Variants in WWOX observed in about 807,000 individuals in gnomAD.
The protein encoded by WWOX is WW domain containing oxidoreductase.
Under a neutral mutation model 46.2 loss-of-function variants are expected in WWOX, and 69 were observed. The observed-to-expected ratio is 1.49, with a 90% confidence interval of 1.23 to 1.82. WWOX has a LOEUF of 1.82. Among genes scored for constraint, WWOX ranks in the 40% most tolerant of loss-of-function variants. WWOX has a pLI of 0.00. For synonymous variants in WWOX, 359 were observed against 202.6 expected (o/e 1.77, Z -6.56); for missense variants, 919 against 542.6 (o/e 1.69, Z -6.89).
At chr16:78,907,548 T>G (rs1025225751) in intron 8 of WWOX, among the ~76,000 whole-genome samples, 3 of 152,164 alleles carry the variant, frequency 2.0e-5, no homozygotes, top group African/African-American at 7.2e-5. Context: ...CCCCCAAAGT[T>G]AGCTTGGCCC....
At chr16:78,480,667 A>G (rs985846772) in intron 8 of WWOX, among the ~76,000 whole-genome samples, 6 of 152,226 alleles carry the variant, frequency 3.9e-5, no homozygotes, top group African/African-American at 1.2e-4. Context: ...ATGCACTGAC[A>G]CAGGTACCCT....
At chr16:78,203,535 A>G (rs950978233) in intron 5 of WWOX, among the ~76,000 whole-genome samples, 1 of 152,210 alleles carries the variant, frequency 6.6e-6, no homozygotes, top group Non-Finnish European at 1.5e-5. Flanking sequence ...GCAGAAATAA[A>G]ACATATTCAA....
At chr16:78,170,721 T>C (rs1325575816) in intron 5 of WWOX, among the ~76,000 whole-genome samples, 4 of 152,268 alleles carry the variant, frequency 2.6e-5, no homozygotes, top group Non-Finnish European at 4.4e-5. Context: ...CTTTTTCTTT[T>C]GTATTTACAA....
chr16:78,470,438 C>T (rs147352618), intron 8 of WWOX, among the ~76,000 whole-genome samples: 2 of 152,212 alleles, frequency 1.3e-5, no homozygotes, highest in Non-Finnish European at 2.9e-5. Flanking sequence ...CCAGAAATAA[C>T]TAAGCATGCT....
In WWOX at chr16:79,055,614, C is replaced by T. The variant is rs373483163; in HGVS notation, c.1057-155994C>T. ...CCTGTCCAAACTGAAGATTCATGGG[C>T]AGAATAAACAATTGCTATTTTTTAA... On this transcript the variant is annotated intron_variant, in intron 8 of 8. Transcript: ENST00000566780. Among the ~76,000 whole-genome samples the T allele has an allele frequency of 3.3e-5, 5 of 152,078 alleles. No homozygotes were observed. In the East Asian group the frequency reaches 9.6e-4, roughly 29 times the overall value.
At position 78,812,610 on chromosome 16, in the gene WWOX, C is replaced by T. The variant is rs2051219222; in HGVS notation, c.1056+379858C>T. Among the ~76,000 whole-genome samples the T allele has an allele frequency of 2.0e-5, 3 of 152,032 alleles. No individual in the cohort carries two copies. The South Asian group carries it at 6.3e-4, about 32-fold the overall frequency. On this transcript the variant is annotated intron_variant, in intron 8 of 8. Transcript: ENST00000566780. ...GCCTAGGCGCAGGCACCTGTAATCCCAGCTGCTCGGGAGGCTGACGCGCGA... is the reference window on the plus strand; with the variant it reads ...GCCTAGGCGCAGGCACCTGTAATCCTAGCTGCTCGGGAGGCTGACGCGCGA...
rs548944667 is a variant in WWOX, at chr16:78,528,060, G to A, written c.1056+95308G>A. ...GTCGCCCAGGCTGGAGTGCAGTGGC[G>A]TAATCTCGGCTCACTGCAAGTTCTG... On this transcript the variant is annotated intron_variant, in intron 8 of 8. Coordinates refer to ENST00000566780, the MANE Select transcript of WWOX (RefSeq NM_016373.4). Among the ~76,000 whole-genome samples the A allele has an allele frequency of 2.8e-3, 370 of 132,948 alleles. 1 individual carries two copies. The highest frequency in any genetic ancestry group is 4.9e-3 in the Non-Finnish European group (313 of 64,478). The allele number at this position is 132,948 out of a possible 152,430, so 87.2% of individuals were successfully genotyped here.
At chr16:78,426,207 G>T (rs1018960805) in intron 7 of WWOX, among the ~76,000 whole-genome samples, 1 of 152,204 alleles carries the variant, frequency 6.6e-6, no homozygotes, top group Non-Finnish European at 1.5e-5. Context: ...AATCACACCA[G>T]GTTTGTGAAG....
intron 8 of WWOX, among the ~76,000 whole-genome samples, chr16:78,932,352 C>T (rs763009761): frequency 6.6e-6 from 1 of 152,218 alleles, no homozygotes; most frequent in Non-Finnish European, 1.5e-5. Flanking sequence ...CCAGGTGCCC[C>T]TCAGGCCGTT....
In WWOX at chr16:78,959,198, C is replaced by T. The variant is rs77511160; in HGVS notation, c.1057-252410C>T. Among the ~76,000 whole-genome samples, 1,139 of 152,246 alleles carry T rather than the reference C, an allele frequency of 7.5e-3. 10 individuals carry two copies. Among genetic ancestry groups the T allele is most frequent in the Middle Eastern group, 0.014 (4 of 292 alleles). On this transcript the variant is annotated intron_variant, in intron 8 of 8. Transcript: ENST00000566780. ...TGGGCCATCTCTACGTCAAGGTTCTCGTTCTTCTCATTACTGAGAAATTAT... is the reference window on the plus strand; with the variant it reads ...TGGGCCATCTCTACGTCAAGGTTCTTGTTCTTCTCATTACTGAGAAATTAT...
intron 8 of WWOX, among the ~76,000 whole-genome samples, chr16:78,774,776 C>A (rs1270729015): frequency 2.0e-5 from 3 of 152,150 alleles, no homozygotes; most frequent in African/African-American, 7.2e-5. Context: ...CAATTCCTGG[C>A]ACATGGCATT....
intron 8 of WWOX, among the ~76,000 whole-genome samples, chr16:78,975,570 C>T (rs562621315): frequency 3.3e-5 from 5 of 151,884 alleles, no homozygotes; most frequent in African/African-American, 9.7e-5. Flanking sequence ...AATGCCTGTT[C>T]ATGTACCATA....
chr16:78,648,615 C>T (rs997221002), intron 8 of WWOX, among the ~76,000 whole-genome samples: 1 of 152,174 alleles, frequency 6.6e-6, no homozygotes, highest in Non-Finnish European at 1.5e-5. Flanking sequence ...CAGGACCAAC[C>T]AGAGAAAGCC....
chr16:79,133,148 A>C (rs1479703325), intron 8 of WWOX, among the ~76,000 whole-genome samples: 2 of 152,156 alleles, frequency 1.3e-5, no homozygotes, highest in Non-Finnish European at 2.9e-5. Context: ...TGTGTGCCCG[A>C]GTTTATTTTC....
At chr16:78,248,056 C>T (rs1597398414) in intron 5 of WWOX, among the ~76,000 whole-genome samples, 1 of 152,136 alleles carries the variant, frequency 6.6e-6, no homozygotes, top group African/African-American at 2.4e-5. Context: ...GGGCAGAGTG[C>T]TCCATCCTCT....
intron 8 of WWOX, among the ~76,000 whole-genome samples, chr16:78,597,850 A>G (rs189780619): frequency 2.4e-3 from 368 of 151,678 alleles, no homozygotes; most frequent in Admixed American, 6.4e-3. Context: ...AAATTCAGAA[A>G]TTTCTAGTTG....
chr16:78,359,561 A>G (rs185338985), intron 5 of WWOX, among the ~76,000 whole-genome samples: 13 of 152,332 alleles, frequency 8.5e-5, no homozygotes, highest in African/African-American at 3.1e-4. Context: ...ATGAGTTAGA[A>G]TATGAGTTTT....
At chr16:79,172,771 A>C (rs542255937) in intron 8 of WWOX, among the ~76,000 whole-genome samples, 24 of 152,232 alleles carry the variant, frequency 1.6e-4, no homozygotes, top group Non-Finnish European at 2.8e-4. Context: ...CACGCCTGTA[A>C]TTCCAGCACT....
chr16:78,396,150 C>G (rs1332310857), intron 6 of WWOX, among the ~76,000 whole-genome samples: 3 of 152,226 alleles, frequency 2.0e-5, no homozygotes, highest in African/African-American at 7.2e-5. Flanking sequence ...TATGCCTTCT[C>G]TCATATCTCC....
Sources: gnomAD v4.1 joint callset for allele counts (sites outside exome capture counted in the v4.1 genomes callset) on GRCh38, gnomAD v4.1.1 for gene constraint, MANE v1.5 for transcripts, NCBI Gene and HGNC (gene_info 2026-07-23, HGNC 2026-07-21) for gene names.